The following DDHD1 variants were observed in gnomAD, a reference collection of about 807,000 sequenced individuals.
DDHD1 encodes the protein DDHD domain containing 1, also known as phospholipase DDHD1.
DDHD1 carries 49 observed loss-of-function variants against 96.4 expected under a neutral mutation model. That is an observed-to-expected ratio of 0.51 (90% CI 0.40 to 0.64). The LOEUF (loss-of-function observed/expected upper bound fraction) is 0.64. Among genes scored for constraint, DDHD1 ranks in the 30% least tolerant of loss-of-function variants. DDHD1 has a pLI of 0.00. For synonymous variants in DDHD1, 442 were observed against 446.5 expected (o/e 0.99, Z 0.13); for missense variants, 1,106 against 1,161.2 (o/e 0.95, Z 0.69).
At chr14:53,065,850 T>C (rs1468874545) in intron 6 of DDHD1, among the ~76,000 whole-genome samples, 1 of 152,196 alleles carries the variant, frequency 6.6e-6, no homozygotes. Flanking sequence ...TTCATTACAG[T>C]CAACAAACAT....
At position 53,103,746 on chromosome 14, in the gene DDHD1, T is replaced by C; in HGVS notation, c.949A>G (p.Arg317Gly). Residue 317 changes from arginine to glycine, a missense_variant, in exon 2 of 13, where the codon AGG becomes GGG. Coordinates refer to ENST00000673822, the MANE Select transcript of DDHD1 (RefSeq NM_001160148.2). Reference sequence around the variant, plus strand: ...AAATTTTCCTGCATCTGCTGGCCCCTAAAACAATTGAGATGTTCTTGCTCA... The same window carrying C: ...AAATTTTCCTGCATCTGCTGGCCCCCAAAACAATTGAGATGTTCTTGCTCA... ...LIEQEHLNCF[R>G]GQQMQENFDI... 1 of 1,613,672 alleles carries C rather than the reference T, an allele frequency of 6.2e-7. No individual in the cohort carries two copies. The highest frequency in any genetic ancestry group is 8.5e-7 in the Non-Finnish European group (1 of 1,179,876).
rs1566518495 is a variant in DDHD1, at chr14:53,054,543, T to C, written c.2332A>G (p.Lys778Glu). 12 of 1,614,000 alleles carry C rather than the reference T, an allele frequency of 7.4e-6. No homozygotes were observed. The highest frequency in any genetic ancestry group is 9.3e-6 in the Non-Finnish European group (11 of 1,179,988). Residue 778 changes from lysine (K) to glutamate (E), a missense_variant, in exon 11 of 13, where the codon AAA (lysine) becomes GAA (glutamate). Physicochemically the swap from Lys to Glu is moderately conservative, Grantham distance 56. Coordinates refer to ENST00000673822, the MANE Select transcript of DDHD1 (RefSeq NM_001160148.2). The stretch of plus-strand genomic sequence containing the variant: ...TTCTTCTCATCTTCCATTGAGTCTT[T>C]TGATGTTTCAGATGACTGTGTTGTA... Reference protein sequence around the residue: ...SSTTQSSETSKDSMEDEKKPV... With the variant: ...SSTTQSSETSEDSMEDEKKPV...
At chr14:53,103,116 T>C in intron 2 of DDHD1, 2 of 1,492,614 alleles carry the variant, frequency 1.3e-6, no homozygotes, top group Non-Finnish European at 1.8e-6. Flanking sequence ...TTACTCAAGA[T>C]TTAGACACAC....
At position 53,043,943 on chromosome 14, in the gene DDHD1, AATC is replaced by A. The variant is rs1306121116; in HGVS notation, c.*2822_*2824del. ...CAGTGATCTAATCAGTACTTGGGAG[AATC>A]ATCATAGCATGTACACAAAATAGAG... On this transcript the variant is annotated 3_prime_UTR_variant, in exon 13 of 13. Transcript: ENST00000673822. 4 of 152,184 alleles carry A rather than the reference AATC, an allele frequency of 2.6e-5. No individual in the cohort carries two copies. In the South Asian group the frequency reaches 6.2e-4, roughly 24 times the overall value. The allele number at this position is 152,184 out of a possible 1,614,324, so 9.4% of individuals were successfully genotyped here. A position where few individuals can be genotyped will look rare whatever the true frequency, so the allele number is the denominator to read the frequency against.
At chr14:53,141,296 G>A (rs1327932610) in intron 1 of DDHD1, among the ~76,000 whole-genome samples, 2 of 152,210 alleles carry the variant, frequency 1.3e-5, no homozygotes, top group Non-Finnish European at 2.9e-5. Flanking sequence ...TGCATCCTTG[G>A]ATTGACTGAA....
intron 1 of DDHD1, among the ~76,000 whole-genome samples, chr14:53,134,597 TAA>T (rs35451633): frequency 1.1e-4 from 14 of 127,974 alleles, no homozygotes; most frequent in South Asian, 2.6e-4. Context: ...TACTCACTGC[TAA>T]AAAAAAAAAA....
intron 11 of DDHD1, among the ~76,000 whole-genome samples, chr14:53,052,224 T>C (rs1882649126): frequency 8.9e-6 from 1 of 112,550 alleles, no homozygotes; most frequent in African/African-American, 2.7e-5. Flanking sequence ...ATCTTTGCAT[T>C]ATATGTTAGA....
chr14:53,056,805 A>T (rs1432102676), intron 9 of DDHD1, among the ~76,000 whole-genome samples: 3 of 152,220 alleles, frequency 2.0e-5, no homozygotes, highest in Non-Finnish European at 4.4e-5. Context: ...CTATAAAATG[A>T]ATAATAAAAA....
intron 4 of DDHD1, among the ~76,000 whole-genome samples, chr14:53,091,488 T>A (rs1233786902): frequency 6.6e-6 from 1 of 151,140 alleles, no homozygotes; most frequent in South Asian, 2.1e-4. Context: ...TAAAACTAGA[T>A]CTTCTTCTTG....
chr14:53,079,863 T>C (rs1885303718), intron 4 of DDHD1, among the ~76,000 whole-genome samples: 1 of 152,132 alleles, frequency 6.6e-6, no homozygotes, highest in South Asian at 2.1e-4. Flanking sequence ...TCTTTTATTT[T>C]TTGCTGATTT....
intron 7 of DDHD1, 73 bp downstream of exon 7, chr14:53,062,870 T>TA (rs1192589649): frequency 6.8e-7 from 1 of 1,460,284 alleles, no homozygotes; most frequent in African/African-American, 1.4e-5. Flanking sequence ...ATGAAATTCT[T>TA]AGTTTTCTCG....
At chr14:53,122,582 G>GTC (rs1555340322) in intron 1 of DDHD1, among the ~76,000 whole-genome samples, 5 of 143,844 alleles carry the variant, frequency 3.5e-5, no homozygotes, top group Admixed American at 3.5e-4. Flanking sequence ...TCTGCTAATA[G>GTC]TTTTTTTTTT....
At chr14:53,146,919 T>A (rs1313595329) in intron 1 of DDHD1, among the ~76,000 whole-genome samples, 1 of 151,698 alleles carries the variant, frequency 6.6e-6, no homozygotes, top group Non-Finnish European at 1.5e-5. Context: ...GTACCCTTCA[T>A]CAATGCTGAC....
chr14:53,063,243 T>C, intron 6 of DDHD1, 38 bp from the exon 7 acceptor site: 1 of 1,595,290 alleles, frequency 6.3e-7, no homozygotes, highest in Non-Finnish European at 8.5e-7. Flanking sequence ...ATTAGACTTG[T>C]CACTGACTAC....
chr14:53,075,944 A>AC (rs1884921883), intron 4 of DDHD1, among the ~76,000 whole-genome samples: 1 of 152,158 alleles, frequency 6.6e-6, no homozygotes, highest in South Asian at 2.1e-4. Context: ...TCAGAAAAAA[A>AC]AACGATTCCT....
At chr14:53,122,249 C>T (rs990041696) in intron 1 of DDHD1, among the ~76,000 whole-genome samples, 5 of 152,212 alleles carry the variant, frequency 3.3e-5, no homozygotes, top group Admixed American at 2.6e-4. Context: ...CCCAGACCTC[C>T]TGGCAGTTTC....
chr14:53,075,147 C>A (rs1884850506), intron 4 of DDHD1, among the ~76,000 whole-genome samples: 1 of 150,054 alleles, frequency 6.7e-6, no homozygotes, highest in Non-Finnish European at 1.5e-5. Context: ...AGTCGCTTAT[C>A]TCTCACTTCA....
chr14:53,089,235 A>C (rs1305586714), intron 4 of DDHD1, among the ~76,000 whole-genome samples: 1 of 152,156 alleles, frequency 6.6e-6, no homozygotes, highest in Non-Finnish European at 1.5e-5. Context: ...AATGGTCATA[A>C]TGCCAAAAGT....
intron 2 of DDHD1, chr14:53,103,111 C>T (rs1887433049): frequency 6.6e-7 from 1 of 1,510,856 alleles, no homozygotes; most frequent in South Asian, 1.2e-5. Context: ...GAAGTTTACT[C>T]AAGATTTAGA....
Sources: allele counts gnomAD v4.1 joint callset (sites outside exome capture counted in the v4.1 genomes callset), GRCh38; gene constraint gnomAD v4.1.1; transcripts MANE v1.5; gene names NCBI Gene and HGNC (gene_info 2026-07-23, HGNC 2026-07-21).